Variants in MCPH1 observed in about 807,000 individuals in gnomAD.
MCPH1 encodes microcephalin.
A neutral mutation model predicts 84.5 loss-of-function variants in MCPH1; 104 were observed. The ratio of observed to expected loss-of-function variants is 1.23; its 90% CI spans 1.05 to 1.45. MCPH1 has a LOEUF of 1.45. MCPH1 is among the 40% of genes most tolerant of loss of function. The pLI, the probability that MCPH1 is intolerant of heterozygous loss-of-function variation, is 0.00. For missense variants in MCPH1, 1,498 were observed against 1,005.7 expected, an observed-to-expected ratio of 1.49 and a Z score of -6.62; for synonymous variants, 514 against 366.8, an observed-to-expected ratio of 1.40 and a Z score of -4.58.
At chr8:6,638,061 C>T (rs1401199406) in intron 13 of MCPH1, among the ~76,000 whole-genome samples, 2 of 152,134 alleles carry the variant, frequency 1.3e-5, no homozygotes, top group Non-Finnish European at 2.9e-5. Flanking sequence ...TCTGCAGAAG[C>T]AGTGCCTACA....
At chr8:6,454,577 A>T (rs1271243305) in intron 8 of MCPH1, among the ~76,000 whole-genome samples, 1 of 152,214 alleles carries the variant, frequency 6.6e-6, no homozygotes, top group Non-Finnish European at 1.5e-5. Flanking sequence ...AGAGGTTAGC[A>T]TCTAAGGAAA....
chr8:6,485,882 G>T (rs553488375), intron 11 of MCPH1, among the ~76,000 whole-genome samples: 1 of 152,050 alleles, frequency 6.6e-6, no homozygotes, highest in Non-Finnish European at 1.5e-5. Context: ...GATGACTCTC[G>T]CTGGCACAAC....
intron 12 of MCPH1, among the ~76,000 whole-genome samples, chr8:6,512,066 A>G (rs1235891023): frequency 6.6e-6 from 1 of 151,778 alleles, no homozygotes; most frequent in Non-Finnish European, 1.5e-5. Context: ...CCAAACACCT[A>G]TCTTCTCATT....
At chr8:6,434,604 G>C (rs1226649070) in intron 4 of MCPH1, among the ~76,000 whole-genome samples, 1 of 152,196 alleles carries the variant, frequency 6.6e-6, no homozygotes, top group African/African-American at 2.4e-5. Flanking sequence ...GATCTTTCTA[G>C]GTTGCAAGAC....
rs559770680 is a variant in MCPH1, at chr8:6,580,082, C to T, written c.2215-41372C>T. Reference sequence around the variant, plus strand: ...GACTCAGTCTGAACAGCTGCCTGTTCCCTAGAATCCACATGCGCTGGGACA... The same window carrying T: ...GACTCAGTCTGAACAGCTGCCTGTTTCCTAGAATCCACATGCGCTGGGACA... On this transcript the variant is annotated intron_variant, in intron 12 of 13. Transcript: ENST00000344683. 2.2e-3 allele frequency among the ~76,000 whole-genome samples: 332 copies of T among 152,292 alleles called. 4 individuals carry two copies. The South Asian group carries it at 0.032, about 15-fold the overall frequency.
intron 4 of MCPH1, among the ~76,000 whole-genome samples, chr8:6,433,630 CAAAAAA>C (rs60661127): frequency 2.4e-4 from 10 of 40,890 alleles, no homozygotes; most frequent in African/African-American, 8.1e-4. Context: ...GGCTCTGTCT[CAAAAAA>C]AAAAAAAAAA....
At chr8:6,621,730 G>C in intron 13 of MCPH1, 39 bp downstream of exon 13, 2 of 1,613,416 alleles carry the variant, frequency 1.2e-6, no homozygotes, top group Non-Finnish European at 1.7e-6. Flanking sequence ...GTGTGGTCCA[G>C]ATCTGTGGAC....
intron 12 of MCPH1, among the ~76,000 whole-genome samples, chr8:6,584,231 G>T (rs1413330036): frequency 6.6e-6 from 1 of 152,186 alleles, no homozygotes; most frequent in Admixed American, 6.5e-5. Flanking sequence ...TAGCAGCTCA[G>T]GGAGGAAGGA....
In MCPH1 at chr8:6,466,227, C is replaced by A. The variant is rs566111682; in HGVS notation, c.1935+10975C>A. Among the ~76,000 whole-genome samples the A allele has an allele frequency of 5.3e-5, 8 of 151,180 alleles. No homozygotes were observed. In the East Asian group the frequency reaches 5.9e-4, roughly 11 times the overall value. On this transcript the variant is annotated intron_variant, in intron 9 of 13. Coordinates refer to ENST00000344683, the MANE Select transcript of MCPH1 (RefSeq NM_024596.5). ...TCTTTGCTCATTGCAACCTCCGCTT[C>A]CCAGGTTCAAGTGATTCTCCTGCCT... is the stretch of plus-strand genomic sequence containing the variant.
intron 7 of MCPH1, among the ~76,000 whole-genome samples, chr8:6,443,326 T>C (rs892563586): frequency 2.0e-5 from 3 of 152,370 alleles, no homozygotes; most frequent in East Asian, 1.9e-4. Flanking sequence ...CAATTTTAGG[T>C]GCTGAATAAG....
intron 10 of MCPH1, among the ~76,000 whole-genome samples, chr8:6,480,492 G>A (rs997574335): frequency 6.6e-5 from 10 of 152,104 alleles, no homozygotes; most frequent in Non-Finnish European, 1.5e-5. Context: ...ACAGCCTGTG[G>A]GCTTGTCTTC....
Position 6,643,120 on chromosome 8 carries a change from C to G in MCPH1, c.*71C>G. 1.5e-6 allele frequency: 2 copies of G among 1,327,808 alleles called. No individual in the cohort carries two copies. The highest frequency in any genetic ancestry group is 2.2e-6 in the Non-Finnish European group (2 of 922,980). The allele number at this position is 1,327,808 out of a possible 1,614,324, so 82.3% of individuals were successfully genotyped here. A position where few individuals can be genotyped will look rare whatever the true frequency, so the allele number is the denominator to read the frequency against. ...TGTCTTTGGATGTTCAAATGAGAAA[C>G]AAAACTGTGAAGAGAAGGAACTGGC... On this transcript the variant is annotated 3_prime_UTR_variant, in exon 14 of 14. Coordinates refer to ENST00000344683, the MANE Select transcript of MCPH1 (RefSeq NM_024596.5).
chr8:6,487,032 G>T lies in MCPH1; in HGVS notation c.2136+6156G>T, dbSNP rs138024705. Among the ~76,000 whole-genome samples, 216 of 152,216 alleles carry T rather than the reference G, an allele frequency of 1.4e-3. 3 individuals are homozygous for T. In the East Asian group the frequency reaches 0.023, roughly 16 times the overall value. On this transcript the variant is annotated intron_variant, in intron 11 of 13. Coordinates refer to ENST00000344683, the MANE Select transcript of MCPH1 (RefSeq NM_024596.5). ...CTTCCCTTTTTCCAGCTACCACTCC[G>T]TGTCACTCTGTCCAGCACAGTGAGG... is the stretch of plus-strand genomic sequence containing the variant.
intron 12 of MCPH1, among the ~76,000 whole-genome samples, chr8:6,559,961 T>G (rs1476997289): frequency 6.6e-6 from 1 of 152,334 alleles, no homozygotes; most frequent in East Asian, 1.9e-4. Flanking sequence ...GACACTTCCT[T>G]TGCCGGACAG....
intron 12 of MCPH1, among the ~76,000 whole-genome samples, chr8:6,606,439 A>G (rs1394916538): frequency 6.6e-6 from 1 of 152,194 alleles, no homozygotes; most frequent in Non-Finnish European, 1.5e-5. Flanking sequence ...TTAAAAACCT[A>G]ACCTATATAT....
At chr8:6,473,048 C>T (rs1807957452) in intron 9 of MCPH1, among the ~76,000 whole-genome samples, 1 of 152,098 alleles carries the variant, frequency 6.6e-6, no homozygotes, top group Admixed American at 6.6e-5. Context: ...AGGTTATTCT[C>T]ATAAAACACA....
chr8:6,614,923 A>G (rs1209349198), intron 12 of MCPH1, among the ~76,000 whole-genome samples: 1 of 151,096 alleles, frequency 6.6e-6, no homozygotes, highest in African/African-American at 2.4e-5. Context: ...GGTCTTCCTG[A>G]TCTCAACCCC....
intron 12 of MCPH1, among the ~76,000 whole-genome samples, chr8:6,611,544 C>A (rs183460690): frequency 4.6e-4 from 70 of 152,326 alleles, no homozygotes; most frequent in Admixed American, 3.9e-3. Context: ...GCTGCCATGC[C>A]CTCTCAGGGG....
chr8:6,474,160 G>A (rs1344850143), intron 9 of MCPH1: 1 of 747,466 alleles, frequency 1.3e-6, no homozygotes, highest in Non-Finnish European at 2.5e-6. Context: ...CTCTCATTTG[G>A]TTATCTAACT....
Sources: gnomAD v4.1 joint callset for allele counts (sites outside exome capture counted in the v4.1 genomes callset) on GRCh38, gnomAD v4.1.1 for gene constraint, MANE v1.5 for transcripts, NCBI Gene and HGNC (gene_info 2026-07-23, HGNC 2026-07-21) for gene names.